Variants in STRADA observed in about 807,000 individuals in gnomAD.
STRADA encodes STE20 related adaptor alpha.
A neutral mutation model predicts 55.0 loss-of-function variants in STRADA; 26 were observed. The ratio of observed to expected loss-of-function variants is 0.47; its 90% CI spans 0.35 to 0.66. The LOEUF is 0.66. Among genes scored for constraint, STRADA ranks in the 30% least tolerant of loss-of-function variants. STRADA has a pLI of 0.01. For missense variants in STRADA, 443 were observed against 549.7 expected (o/e 0.81, Z 1.94); for synonymous variants, 197 against 210.9 (o/e 0.93, Z 0.57).
At chr17:63,741,809 C>CAA (rs2038975661), upstream of STRADA, 1 of 153,320 alleles carries the variant, frequency 6.5e-6, no homozygotes, top group East Asian at 1.9e-4. Flanking sequence ...TGCCGCGCCG[C>CAA]CGCCAGACCG....
chr17:63,715,735 C>A (rs2036829324), intron 4 of STRADA, among the ~76,000 whole-genome samples: 1 of 152,180 alleles, frequency 6.6e-6, no homozygotes, highest in Non-Finnish European at 1.5e-5. Flanking sequence ...CAAAATTAAG[C>A]CCTGTCACCA....
At chr17:63,704,094 C>T (rs2035901799) in intron 11 of STRADA, 47 bp from the exon 12 acceptor site, 1 of 1,599,046 alleles carries the variant, frequency 6.3e-7, no homozygotes, top group Non-Finnish European at 8.5e-7. Context: ...GCCGTGTCCC[C>T]AGCTTCCCGA....
rs540111360 is a variant in STRADA at position 63,736,102 on chromosome 17, C to T, written c.-45+5639G>A. On this transcript the variant is annotated intron_variant, in intron 1 of 12. Coordinates refer to ENST00000336174, the MANE Select transcript of STRADA (RefSeq NM_001003787.4). The stretch of plus-strand genomic sequence containing the variant: ...GATTACTGGCATGTGCCACTACGCC[C>T]GGCTGATTTTTGTATTTTTAGTAGA... 7.2e-5 allele frequency among the ~76,000 whole-genome samples: 11 copies of T among 152,084 alleles called. No individual in the cohort carries two copies. The South Asian group carries it at 1.2e-3, about 17-fold the overall frequency.
At chr17:63,738,682 A>AC (rs1296830788) in intron 1 of STRADA, among the ~76,000 whole-genome samples, 2 of 151,396 alleles carry the variant, frequency 1.3e-5, no homozygotes, top group Non-Finnish European at 2.9e-5. Context: ...ATATGGTGAA[A>AC]CCCCATCTCT....
At position 63,703,471 on chromosome 17, in the gene STRADA, A is replaced by C. The variant is rs2035851821; in HGVS notation, c.*128T>G. ...TTTCTTTCCCAATCAGTCAGCAGTCAACTTTCCTGGAAGAATGTCCTTTCT... is the reference window on the plus strand; with the variant it reads ...TTTCTTTCCCAATCAGTCAGCAGTCCACTTTCCTGGAAGAATGTCCTTTCT... On this transcript the variant is annotated 3_prime_UTR_variant, in exon 13 of 13. Coordinates refer to ENST00000336174, the MANE Select transcript of STRADA (RefSeq NM_001003787.4). 1.1e-6 allele frequency: 1 copy of C among 909,238 alleles called. No individual in the cohort carries two copies. Among genetic ancestry groups the C allele is most frequent in the African/African-American group, 1.7e-5 (1 of 59,118 alleles). 56.3% of individuals were successfully genotyped at this position (909,238 alleles called of 1,614,324 possible). A position where few individuals can be genotyped will look rare whatever the true frequency, so the allele number is the denominator to read the frequency against.
At position 63,710,515 on chromosome 17, in the gene STRADA, A is replaced by G. The variant is rs1013522525; in HGVS notation, c.557T>C (p.Ile186Thr). The change falls in exon 8 of 13, where the codon ATC (isoleucine) becomes ACC (threonine). Residue 186 changes from isoleucine (I) to threonine (T), a missense_variant. By Grantham distance (89) the Ile-to-Thr change is moderately conservative. Coordinates refer to ENST00000336174, the MANE Select transcript of STRADA (RefSeq NM_001003787.4). The stretch of plus-strand genomic sequence containing the variant: ...CCTGTGTACATATCCCATGTGGTGG[A>G]TGTAGTCGAGGGCCTTCAGCACCCC... ...LQGVLKALDY[I>T]HHMGYVHRSV... 2 of 1,613,738 alleles carry G rather than the reference A, an allele frequency of 1.2e-6. No individual in the cohort carries two copies. The highest frequency in any genetic ancestry group is 8.5e-7 in the Non-Finnish European group (1 of 1,179,870).
rs764292403 is a variant in STRADA, at chr17:63,704,259, G to C, written c.1100+82C>G. 12 of 1,577,638 alleles carry C rather than the reference G, an allele frequency of 7.6e-6. No homozygotes were observed. The South Asian group carries it at 1.1e-4, about 15-fold the overall frequency. On this transcript the variant is annotated intron_variant, in intron 11 of 12. Coordinates refer to ENST00000336174, the MANE Select transcript of STRADA (RefSeq NM_001003787.4). ...AGATTCCCCTGCAGAACCTTTGGGA[G>C]GTAAGTCCCTTCACACCCTGGCCTT...
chr17:63,706,527 G>C (rs2036101248), intron 10 of STRADA, 108 bp downstream of exon 10: 1 of 744,722 alleles, frequency 1.3e-6, no homozygotes, highest in Non-Finnish European at 2.2e-6. Flanking sequence ...AAAAGACAGG[G>C]TCTTTCATCT....
chr17:63,717,455 G>A (rs1325388426), intron 4 of STRADA, among the ~76,000 whole-genome samples: 1 of 151,710 alleles, frequency 6.6e-6, no homozygotes, highest in Non-Finnish European at 1.5e-5. Flanking sequence ...CTACAGGTGC[G>A]AACCACCATG....
chr17:63,707,065 C>T (rs1211998579), intron 9 of STRADA, among the ~76,000 whole-genome samples, 182 bp downstream of exon 9: 1 of 152,158 alleles, frequency 6.6e-6, no homozygotes, highest in Admixed American at 6.5e-5. Flanking sequence ...AGGTTAGGAC[C>T]CCCTGGGAGG....
At chr17:63,725,335 T>G (rs1486181685) in intron 3 of STRADA, among the ~76,000 whole-genome samples, 2 of 152,134 alleles carry the variant, frequency 1.3e-5, no homozygotes, top group Non-Finnish European at 2.9e-5. Flanking sequence ...TTTTTTAAAT[T>G]TCCTTCTTAT....
At chr17:63,720,143 C>T (rs2037194336) in intron 4 of STRADA, among the ~76,000 whole-genome samples, 1 of 151,246 alleles carries the variant, frequency 6.6e-6, no homozygotes, top group Admixed American at 6.6e-5. Flanking sequence ...CCACCTCAGC[C>T]TCCCAGGTAT....
intron 1 of STRADA, among the ~76,000 whole-genome samples, chr17:63,737,681 C>T (rs1195150222): frequency 1.3e-5 from 2 of 152,134 alleles, no homozygotes; most frequent in Admixed American, 1.3e-4. Flanking sequence ...AGGTAACCAA[C>T]AAGTGTAAAA....
intron 1 of STRADA, among the ~76,000 whole-genome samples, chr17:63,731,136 G>T (rs554126707): frequency 1.6e-4 from 24 of 151,784 alleles, no homozygotes; most frequent in Non-Finnish European, 3.1e-4. Context: ...TAGAGACGGG[G>T]TTCCACCATG....
In STRADA at chr17:63,704,053, G is replaced by A; in HGVS notation, c.1101-6C>T. The A allele has an allele frequency of 6.2e-7, 1 of 1,613,406 alleles. No individual in the cohort carries two copies. Among genetic ancestry groups the A allele is most frequent in the Non-Finnish European group, 8.5e-7 (1 of 1,179,666 alleles). ...GGAGGGTGCTGGCACTGGGCCTGGAGGGAAAGGGGAGGAGAGACCGCAGCA... is the reference window on the plus strand; with the variant it reads ...GGAGGGTGCTGGCACTGGGCCTGGAAGGAAAGGGGAGGAGAGACCGCAGCA... On this transcript the variant is annotated splice_polypyrimidine_tract_variant and splice_region_variant and intron_variant, in intron 11 of 12. Transcript: ENST00000336174.
rs968646400 is a variant in STRADA, at chr17:63,728,688, C to T, written c.-44-275G>A. On this transcript the variant is annotated intron_variant, in intron 1 of 12. Coordinates refer to ENST00000336174, the MANE Select transcript of STRADA (RefSeq NM_001003787.4). ...CCGAGGCGGGCGGATCACCTGAGGT[C>T]AGGAGTTCGAGACCAGCCTGGCCAA... is the stretch of plus-strand genomic sequence containing the variant. Among the ~76,000 whole-genome samples the T allele has an allele frequency of 2.8e-5, 4 of 143,408 alleles. No individual in the cohort carries two copies. In the South Asian group the frequency reaches 8.8e-4, roughly 32 times the overall value. 94.1% of individuals were successfully genotyped at this position (143,408 alleles called of 152,430 possible).
Position 63,710,265 on chromosome 17 carries a change from C to T in STRADA, c.581+226G>A, listed in dbSNP as rs1315298824. On this transcript the variant is annotated intron_variant, in intron 8 of 12. Transcript: ENST00000336174. ...TGTTGGCCAGGCTGGTCTCAAACTCCTGACCTTGTGATCCACCTGCCTTGG... is the reference window on the plus strand; with the variant it reads ...TGTTGGCCAGGCTGGTCTCAAACTCTTGACCTTGTGATCCACCTGCCTTGG... 9.1e-6 allele frequency: 5 copies of T among 552,276 alleles called. No homozygotes were observed. The East Asian group carries it at 1.6e-4, about 18-fold the overall frequency. 34.2% of individuals were successfully genotyped at this position (552,276 alleles called of 1,614,324 possible). A position where few individuals can be genotyped will look rare whatever the true frequency, so the allele number is the denominator to read the frequency against.
chr17:63,730,216 T>A (rs1223132750), intron 1 of STRADA, among the ~76,000 whole-genome samples: 1 of 152,128 alleles, frequency 6.6e-6, no homozygotes, highest in African/African-American at 2.4e-5. Flanking sequence ...GTTTCCCATA[T>A]AGCTATTATT....
At chr17:63,728,735 T>TAAAA (rs36091754) in intron 1 of STRADA, among the ~76,000 whole-genome samples, 4 of 112,418 alleles carry the variant, frequency 3.6e-5, no homozygotes, top group Non-Finnish European at 3.6e-5. Context: ...CCCATCTCTA[T>TAAAA]AAAAAAAAAA....
Sources: gnomAD v4.1 joint callset for allele counts (sites outside exome capture counted in the v4.1 genomes callset) on GRCh38, gnomAD v4.1.1 for gene constraint, MANE v1.5 for transcripts, NCBI Gene and HGNC (gene_info 2026-07-23, HGNC 2026-07-21) for gene names.